Variants in PTPRD observed in about 807,000 individuals in gnomAD.
PTPRD encodes the protein receptor-type tyrosine-protein phosphatase delta.
PTPRD carries 34 observed loss-of-function variants against 214.5 expected under a neutral mutation model. That is an observed-to-expected ratio of 0.16 (90% CI 0.12 to 0.21). PTPRD has a LOEUF of 0.21. PTPRD is among the 10% of genes least tolerant of loss of function. PTPRD has a pLI of 1.00. For missense variants in PTPRD, 2,545 were observed against 2,398.7 expected (o/e 1.06, Z -1.27); for synonymous variants, 1,128 against 845.7 (o/e 1.33, Z -5.79).
At chr9:8,429,553 A>G (rs975663479) in intron 35 of PTPRD, among the ~76,000 whole-genome samples, 1 of 152,168 alleles carries the variant, frequency 6.6e-6, no homozygotes, top group African/African-American at 2.4e-5. Flanking sequence ...AACTTACTCT[A>G]CAAAGGTGTA....
chr9:10,027,302 G>C (rs1281598952), intron 4 of PTPRD, among the ~76,000 whole-genome samples: 4 of 152,168 alleles, frequency 2.6e-5, no homozygotes, highest in Non-Finnish European at 5.9e-5. Flanking sequence ...AAAAATAGTT[G>C]TTTGAGATAA....
At chr9:9,961,393 G>A (rs1472198496) in intron 4 of PTPRD, among the ~76,000 whole-genome samples, 1 of 152,092 alleles carries the variant, frequency 6.6e-6, no homozygotes, top group Non-Finnish European at 1.5e-5. Flanking sequence ...GTGAAATTGA[G>A]AACAAACAAG....
At chr9:9,075,624 T>C (rs922912656) in intron 10 of PTPRD, among the ~76,000 whole-genome samples, 2 of 152,048 alleles carry the variant, frequency 1.3e-5, no homozygotes, top group African/African-American at 2.4e-5. Context: ...AGTGTTCTCA[T>C]TGTTCAATTC....
chr9:8,748,200 G>C (rs1394903593), intron 11 of PTPRD, among the ~76,000 whole-genome samples: 2 of 152,144 alleles, frequency 1.3e-5, no homozygotes, highest in Non-Finnish European at 1.5e-5. Flanking sequence ...CGGGGACTGA[G>C]AGACAGGACT....
At chr9:9,431,894 G>A (rs1015989687) in intron 8 of PTPRD, among the ~76,000 whole-genome samples, 5 of 112,924 alleles carry the variant, frequency 4.4e-5, no homozygotes, top group South Asian at 3.7e-4. Flanking sequence ...CACACACCGC[G>A]GCCTGTTGTG....
intron 11 of PTPRD, among the ~76,000 whole-genome samples, chr9:8,904,881 T>C (rs554349340): frequency 1.3e-5 from 2 of 152,298 alleles, no homozygotes; most frequent in South Asian, 2.1e-4. Flanking sequence ...GTTTCTGATA[T>C]ATAAAAACAC....
rs1447524350 is a variant in PTPRD at position 10,536,359 on chromosome 9, C to T, written c.-600+76039G>A. Among the ~76,000 whole-genome samples the T allele has an allele frequency of 2.6e-5, 4 of 152,082 alleles. No individual in the cohort carries two copies. In the East Asian group the frequency reaches 7.7e-4, roughly 29 times the overall value. Reference sequence around the variant, plus strand: ...ATTTCTTCTAATTTCTGCCTTAAAGCTTTTCTCCTTGTCCTTTCAAGATTT... The same window carrying T: ...ATTTCTTCTAATTTCTGCCTTAAAGTTTTTCTCCTTGTCCTTTCAAGATTT... On this transcript the variant is annotated intron_variant, in intron 2 of 45. Coordinates refer to ENST00000381196, the MANE Select transcript of PTPRD (RefSeq NM_002839.4).
At chr9:9,561,370 T>C (rs769857809) in intron 8 of PTPRD, among the ~76,000 whole-genome samples, 11 of 152,228 alleles carry the variant, frequency 7.2e-5, no homozygotes, top group Non-Finnish European at 1.6e-4. Flanking sequence ...ACCTAAACAG[T>C]GTGGGCACAT....
intron 7 of PTPRD, among the ~76,000 whole-genome samples, chr9:9,590,236 A>G (rs1184634793): frequency 6.6e-6 from 1 of 151,992 alleles, no homozygotes; most frequent in Non-Finnish European, 1.5e-5. Flanking sequence ...AGGGCAATAT[A>G]TCACAAGAAT....
chr9:9,318,727 C>CA (rs1964780611), intron 9 of PTPRD, among the ~76,000 whole-genome samples: 2 of 152,218 alleles, frequency 1.3e-5, no homozygotes, highest in African/African-American at 4.8e-5. Flanking sequence ...AACATCCAGA[C>CA]AGTTGTCTAC....
At chr9:10,254,628 A>C (rs1003081306) in intron 3 of PTPRD, among the ~76,000 whole-genome samples, 3 of 152,184 alleles carry the variant, frequency 2.0e-5, no homozygotes, top group African/African-American at 4.8e-5. Flanking sequence ...CAGTCCTCAC[A>C]TTACAAATAG....
At chr9:9,310,800 T>G (rs1019568199) in intron 9 of PTPRD, among the ~76,000 whole-genome samples, 4 of 151,662 alleles carry the variant, frequency 2.6e-5, no homozygotes, top group Non-Finnish European at 5.9e-5. Flanking sequence ...TGCCTGTAAT[T>G]CCAGCTACTC....
chr9:8,465,211 T>C (rs1020682248), intron 32 of PTPRD, among the ~76,000 whole-genome samples: 15 of 151,962 alleles, frequency 9.9e-5, no homozygotes, highest in Non-Finnish European at 1.5e-4. Context: ...TCAAGAACCA[T>C]GTCCTATCGA....
chr9:10,569,699 A>C (rs2131887876), intron 2 of PTPRD, among the ~76,000 whole-genome samples: 1 of 152,240 alleles, frequency 6.6e-6, no homozygotes, highest in East Asian at 1.9e-4. Context: ...AGATTCAATC[A>C]CACATATTTC....
chr9:9,568,747 G>T (rs1006173214), intron 8 of PTPRD, among the ~76,000 whole-genome samples: 1 of 151,758 alleles, frequency 6.6e-6, no homozygotes, highest in African/African-American at 2.4e-5. Context: ...CCACTGATGG[G>T]TAACTAAAGT....
chr9:9,165,591 T>C (rs895363824), intron 10 of PTPRD, among the ~76,000 whole-genome samples: 30 of 152,156 alleles, frequency 2.0e-4, no homozygotes, highest in Admixed American at 1.8e-3. Context: ...ATCATACTAT[T>C]AAGGTTTGAA....
chr9:9,450,936 A>AATAC (rs1391345725), intron 8 of PTPRD, among the ~76,000 whole-genome samples: 2 of 110,074 alleles, frequency 1.8e-5, no homozygotes, highest in African/African-American at 7.1e-5. Flanking sequence ...CATCTAAGTA[A>AATAC]ATACATACAT....
intron 10 of PTPRD, among the ~76,000 whole-genome samples, chr9:9,150,971 C>G (rs1350841267): frequency 6.6e-6 from 1 of 152,148 alleles, no homozygotes; most frequent in Non-Finnish European, 1.5e-5. Context: ...CTGCTGAATA[C>G]ACTTTGCACA....
intron 2 of PTPRD, among the ~76,000 whole-genome samples, chr9:10,469,030 C>G (rs956723384): frequency 6.6e-6 from 1 of 152,176 alleles, no homozygotes; most frequent in Middle Eastern, 3.4e-3. Context: ...AAATAACACA[C>G]TTAATGCTGA....
Sources: gnomAD v4.1 joint callset for allele counts (sites outside exome capture counted in the v4.1 genomes callset) on GRCh38, gnomAD v4.1.1 for gene constraint, MANE v1.5 for transcripts, NCBI Gene and HGNC (gene_info 2026-07-23, HGNC 2026-07-21) for gene names.